DCC: variants seen among roughly 807,000 people sequenced by gnomAD.
DCC encodes the protein DCC netrin 1 receptor, also known as netrin receptor DCC.
Under a neutral mutation model 172.5 loss-of-function variants are expected in DCC, and 58 were observed. That is an observed-to-expected ratio of 0.34 (90% CI 0.27 to 0.42). The LOEUF is 0.42. Ranked by LOEUF, DCC falls within the 10% of genes least tolerant of loss-of-function variation. DCC has a pLI of 1.00. For synonymous variants in DCC, 709 were observed against 644.5 expected (o/e 1.10, Z -1.52); for missense variants, 1,740 against 1,791.0 (o/e 0.97, Z 0.51).
At chr18:52,797,010 C>A (rs1396297751) in intron 2 of DCC, among the ~76,000 whole-genome samples, 1 of 148,774 alleles carries the variant, frequency 6.7e-6, no homozygotes, top group African/African-American at 2.5e-5. Context: ...TCATTCATTC[C>A]TTTTTTTTTT....
intron 1 of DCC, among the ~76,000 whole-genome samples, chr18:52,367,046 C>T (rs573884444): frequency 3.3e-5 from 5 of 152,330 alleles, no homozygotes; most frequent in Admixed American, 1.3e-4. Context: ...CGAGCCCTGC[C>T]CCGCGGGAAG....
At chr18:53,117,138 G>A (rs1221347441) in intron 7 of DCC, among the ~76,000 whole-genome samples, 2 of 151,634 alleles carry the variant, frequency 1.3e-5, no homozygotes, top group African/African-American at 4.8e-5. Context: ...TCCATTGAAG[G>A]CATCCATCCT....
intron 5 of DCC, among the ~76,000 whole-genome samples, chr18:52,933,792 A>T (rs2040343232): frequency 6.6e-6 from 1 of 152,118 alleles, no homozygotes; most frequent in South Asian, 2.1e-4. Context: ...ATTTCCCATC[A>T]TGGTGAAGTC....
chr18:52,378,503 G>A (rs1399135969), intron 1 of DCC, among the ~76,000 whole-genome samples: 1 of 152,010 alleles, frequency 6.6e-6, no homozygotes, highest in Admixed American at 6.6e-5. Flanking sequence ...TGTTTGTGAG[G>A]CAAGATACAC....
At chr18:53,011,068 T>A (rs1400471091) in intron 5 of DCC, among the ~76,000 whole-genome samples, 1 of 151,418 alleles carries the variant, frequency 6.6e-6, no homozygotes, top group East Asian at 1.9e-4. Context: ...GTATTAAATA[T>A]GCTGATGAAG....
intron 12 of DCC, among the ~76,000 whole-genome samples, chr18:53,299,400 A>G (rs1416440049): frequency 1.3e-5 from 2 of 152,122 alleles, no homozygotes; most frequent in South Asian, 2.1e-4. Flanking sequence ...AAGAGACTAC[A>G]TGAGCTTTCC....
chr18:52,621,448 T>C (rs1460853446), intron 1 of DCC, among the ~76,000 whole-genome samples: 1 of 152,196 alleles, frequency 6.6e-6, no homozygotes, highest in African/African-American at 2.4e-5. Context: ...TGAAGAAGTC[T>C]TGCCTTTCTC....
chr18:53,060,068 A>G (rs572859302), intron 5 of DCC, among the ~76,000 whole-genome samples: 1 of 149,794 alleles, frequency 6.7e-6, no homozygotes, highest in South Asian at 2.1e-4. Context: ...CAGTGGCACA[A>G]TAGCGGCTCA....
chr18:53,293,516 T>C (rs1214193655), intron 12 of DCC, among the ~76,000 whole-genome samples: 1 of 152,168 alleles, frequency 6.6e-6, no homozygotes, highest in East Asian at 1.9e-4. Flanking sequence ...ACAGGTTTGT[T>C]ATATAGGTAA....
At chr18:53,069,093 G>C (rs1235762577) in intron 7 of DCC, among the ~76,000 whole-genome samples, 1 of 152,070 alleles carries the variant, frequency 6.6e-6, no homozygotes, top group Non-Finnish European at 1.5e-5. Context: ...AGGGAAGTGT[G>C]AGATGATGGA....
intron 14 of DCC, among the ~76,000 whole-genome samples, chr18:53,332,814 T>A (rs2057545442): frequency 6.6e-6 from 1 of 151,918 alleles, no homozygotes; most frequent in South Asian, 2.1e-4. Flanking sequence ...CTATTACCAC[T>A]AAGTAAATGT....
At chr18:53,208,456 A>G (rs1156627778) in intron 11 of DCC, among the ~76,000 whole-genome samples, 1 of 151,954 alleles carries the variant, frequency 6.6e-6, no homozygotes, top group Admixed American at 6.6e-5. Flanking sequence ...TTTGATTGGC[A>G]TGTTTTATTC....
chr18:53,258,768 T>G (rs1196163888), intron 12 of DCC, among the ~76,000 whole-genome samples: 7 of 152,128 alleles, frequency 4.6e-5, no homozygotes, highest in Non-Finnish European at 4.4e-5. Flanking sequence ...GGATATCCTT[T>G]TTAACTTTCT....
chr18:52,549,281 A>G (rs1329918387), intron 1 of DCC, among the ~76,000 whole-genome samples: 1 of 152,066 alleles, frequency 6.6e-6, no homozygotes, highest in African/African-American at 2.4e-5. Flanking sequence ...CACCCTGTGT[A>G]CACTGGAGAT....
At chr18:52,527,152 C>T (rs1043329030) in intron 1 of DCC, among the ~76,000 whole-genome samples, 4 of 152,030 alleles carry the variant, frequency 2.6e-5, no homozygotes, top group Non-Finnish European at 4.4e-5. Context: ...TCTGTTCCCT[C>T]GGTGATAAAA....
At chr18:53,518,338 G>C (rs2046361871) in intron 27 of DCC, among the ~76,000 whole-genome samples, 1 of 152,116 alleles carries the variant, frequency 6.6e-6, no homozygotes, top group Non-Finnish European at 1.5e-5. Flanking sequence ...AAACCATGCT[G>C]TGCATTGGCC....
intron 28 of DCC, chr18:53,526,961 C>CTTAG: frequency 3.4e-6 from 2 of 590,728 alleles, no homozygotes; most frequent in South Asian, 3.9e-5. Flanking sequence ...ATGTCAGAGA[C>CTTAG]TTAGTTATGT....
chr18:53,054,221 A>AT (rs1294712430), intron 5 of DCC, among the ~76,000 whole-genome samples: 2 of 151,972 alleles, frequency 1.3e-5, no homozygotes, highest in Non-Finnish European at 2.9e-5. Context: ...TTGTATTGTT[A>AT]TTTTTTTATC....
chr18:52,485,135 C>T (rs1442220178), intron 1 of DCC, among the ~76,000 whole-genome samples: 4 of 152,040 alleles, frequency 2.6e-5, no homozygotes, highest in Admixed American at 1.3e-4. Flanking sequence ...CATAACATGA[C>T]ATGTGGTTTC....
Sources: gnomAD v4.1 joint callset for allele counts (sites outside exome capture counted in the v4.1 genomes callset) on GRCh38, gnomAD v4.1.1 for gene constraint, MANE v1.5 for transcripts, NCBI Gene and HGNC (gene_info 2026-07-23, HGNC 2026-07-21) for gene names.